Variants in DHX29 observed in about 807,000 individuals in gnomAD.
DHX29 encodes DExH-box helicase 29.
DHX29 carries 79 observed loss-of-function variants against 167.9 expected under a neutral mutation model. The ratio of observed to expected loss-of-function variants is 0.47; its 90% CI spans 0.39 to 0.57. The LOEUF is 0.57. Among genes scored for constraint, DHX29 ranks in the 20% least tolerant of loss-of-function variants. The probability of loss-of-function intolerance (pLI) is 0.00; values close to 1 mark genes in which losing one functional copy is unlikely to be tolerated. For synonymous variants in DHX29, 530 were observed against 546.0 expected (o/e 0.97, Z 0.41); for missense variants, 1,347 against 1,593.4 (o/e 0.85, Z 2.63).
chr5:55,292,215 C>A (rs1404624204), intron 6 of DHX29, among the ~76,000 whole-genome samples: 1 of 152,150 alleles, frequency 6.6e-6, no homozygotes, highest in Non-Finnish European at 1.5e-5. Context: ...CAGCTGACAT[C>A]CTAACGGGTG....
chr5:55,307,229 T>A (rs2305677), intron 1 of DHX29, among the ~76,000 whole-genome samples, 158 bp downstream of exon 1: 19,543 of 152,206 alleles, frequency 0.13, 1,470 homozygotes, highest in East Asian at 0.26. Flanking sequence ...TAGACTTTTT[T>A]AATCTAAAAC....
intron 1 of DHX29, among the ~76,000 whole-genome samples, chr5:55,303,895 A>T (rs1393006036): frequency 6.6e-6 from 1 of 152,216 alleles, no homozygotes; most frequent in African/African-American, 2.4e-5. Context: ...CTAAAAAAAA[A>T]TTTATAATGG....
At chr5:55,272,002 T>G in intron 18 of DHX29, 85 bp downstream of exon 18, 1 of 769,202 alleles carries the variant, frequency 1.3e-6, no homozygotes, top group South Asian at 1.9e-5. Flanking sequence ...TTTCCCTAAA[T>G]AATTTTAGGA....
At chr5:55,284,719 G>C (rs993563338) in intron 10 of DHX29, among the ~76,000 whole-genome samples, 27 of 152,170 alleles carry the variant, frequency 1.8e-4, no homozygotes, top group African/African-American at 6.0e-4. Flanking sequence ...CCTGAAACTG[G>C]AAGTGTATTG....
intron 14 of DHX29, among the ~76,000 whole-genome samples, chr5:55,275,932 T>C (rs1579774933): frequency 6.6e-6 from 1 of 151,940 alleles, no homozygotes. Flanking sequence ...TTGAGAGAAG[T>C]AGAGAAAAAT....
chr5:55,267,725 G>C lies in DHX29; in HGVS notation c.3392C>G (p.Ala1131Gly), dbSNP rs368247028. The change falls in exon 22 of 27, where the codon GCG (alanine) becomes GGG (glycine). Residue 1131 changes from alanine to glycine, a missense_variant. Physicochemically the swap from Ala to Gly is moderately conservative, Grantham distance 60 (BLOSUM62 0). Transcript: ENST00000251636. ...GTAGATCGTCAGGTGGTCTGAATCCGCCATGGCCAAAGCTGATTTTGCAAG... is the reference window on the plus strand; with the variant it reads ...GTAGATCGTCAGGTGGTCTGAATCCCCCATGGCCAAAGCTGATTTTGCAAG... ...ADLAKSALAMADSDHLTIYNA... is the reference protein window; with the variant it reads ...ADLAKSALAMGDSDHLTIYNA... 3 of 1,605,182 alleles carry C rather than the reference G, an allele frequency of 1.9e-6. No homozygotes were observed. The East Asian group carries it at 6.7e-5, about 36-fold the overall frequency.
rs1439653540 is a variant in DHX29 at position 55,281,510 on chromosome 5, G to A, written c.1971C>T (p.Ser657=). The A allele has an allele frequency of 6.3e-7, 1 of 1,580,452 alleles. No homozygotes were observed. Residue 657 remains serine (S), a synonymous_variant, in exon 12 of 27, where the codon TCC becomes TCT. Transcript: ENST00000251636. ...CCATCCGGATCTGATATCCACACAA[G>A]GAATTCTAAAGGGAGAACATAAGGC... ...GCENGPGGRN[S]LCGYQIRMES... is the part of the protein sequence containing the mutation.
chr5:55,292,284 G>A (rs543869432), intron 6 of DHX29, among the ~76,000 whole-genome samples: 2 of 152,152 alleles, frequency 1.3e-5, no homozygotes, highest in South Asian at 4.2e-4. Context: ...GTAATGTTGA[G>A]CATTTCTTCA....
At chr5:55,300,984 C>T (rs938648855) in intron 1 of DHX29, among the ~76,000 whole-genome samples, 2 of 152,104 alleles carry the variant, frequency 1.3e-5, no homozygotes, top group African/African-American at 2.4e-5. Context: ...CATCATCTTG[C>T]TATATGTTCA....
chr5:55,293,987 G>C, intron 6 of DHX29, 30 bp downstream of exon 6: 3 of 1,596,122 alleles, frequency 1.9e-6, no homozygotes, highest in South Asian at 1.1e-5. Flanking sequence ...AGAGCATCCA[G>C]TTAGAAGCCT....
Position 55,298,599 on chromosome 5 carries a change from T to C in DHX29, c.253A>G (p.Ile85Val), listed in dbSNP as rs766521040. ...SSGPANLDKS[I>V]LKVVINNKLE... is the part of the protein sequence containing the mutation. ...AAACCTTTGTTACTTACTTTCAAAATAGATTTATCCAGATTTGCAGGACCA... is the reference window on the plus strand; with the variant it reads ...AAACCTTTGTTACTTACTTTCAAAACAGATTTATCCAGATTTGCAGGACCA... Residue 85 changes from isoleucine (I) to valine (V), a missense_variant, in exon 2 of 27, where the codon ATT becomes GTT. Around this residue, in one of 3 missense-constraint regions of DHX29, gnomAD observed 405 missense variants for 416.8 expected, o/e 0.97. Transcript: ENST00000251636. The C allele has an allele frequency of 6.0e-5, 92 of 1,539,584 alleles. No individual in the cohort carries two copies. The highest frequency in any genetic ancestry group is 3.6e-4 in the African/African-American group (26 of 73,186).
intron 1 of DHX29, among the ~76,000 whole-genome samples, chr5:55,304,556 T>A (rs182433134): frequency 1.3e-5 from 2 of 152,062 alleles, no homozygotes; most frequent in East Asian, 3.9e-4. Flanking sequence ...TGCCTCGGCC[T>A]CCCAAAGTGC....
At chr5:55,260,369 T>C (rs1746255253) in intron 25 of DHX29, among the ~76,000 whole-genome samples, 1 of 152,008 alleles carries the variant, frequency 6.6e-6, no homozygotes, top group African/African-American at 2.4e-5. Context: ...GTAGCTGGGA[T>C]TACAGGTGCC....
intron 1 of DHX29, among the ~76,000 whole-genome samples, chr5:55,302,611 AAC>A (rs1325772160): frequency 2.6e-5 from 4 of 151,752 alleles, no homozygotes; most frequent in Non-Finnish European, 2.9e-5. Context: ...AAAAAAAAAA[AAC>A]TGGTTGGTTT....
intron 2 of DHX29, 61 bp downstream of exon 2, chr5:55,298,530 T>C: frequency 9.6e-7 from 1 of 1,038,336 alleles, no homozygotes; most frequent in Non-Finnish European, 1.5e-6. Flanking sequence ...AGGATACATC[T>C]TTTTTGGGGG....
chr5:55,304,297 G>C lies in DHX29; in HGVS notation c.187+3090C>G, dbSNP rs1000442990. Among the ~76,000 whole-genome samples the C allele has an allele frequency of 2.1e-5, 3 of 146,206 alleles. No individual in the cohort carries two copies. In the South Asian group the frequency reaches 6.5e-4, roughly 32 times the overall value. On this transcript the variant is annotated intron_variant, in intron 1 of 26. Transcript: ENST00000251636. ...ACTACTTTACCTGCCTCCTTTGCTT[G>C]CTCAAATGTCACTTTTTTTTTTTTT...
At chr5:55,259,626 T>G (rs1726562217) in intron 26 of DHX29, among the ~76,000 whole-genome samples, 1 of 152,088 alleles carries the variant, frequency 6.6e-6, no homozygotes, top group African/African-American at 2.4e-5. Flanking sequence ...CCAGCTAATT[T>G]TGTATTTTTA....
At chr5:55,283,056 A>C in intron 11 of DHX29, 147 bp downstream of exon 11, 1 of 775,724 alleles carries the variant, frequency 1.3e-6, no homozygotes. Flanking sequence ...CATCTATCAA[A>C]GAAAATGTGA....
At position 55,285,170 on chromosome 5, in the gene DHX29, G is replaced by A. The variant is rs1747652224; in HGVS notation, c.1356+123C>T. The A allele has an allele frequency of 6.3e-6, 9 of 1,419,324 alleles. No homozygotes were observed. In the South Asian group the frequency reaches 9.0e-5, roughly 14 times the overall value. 87.9% of individuals were successfully genotyped at this position (1,419,324 alleles called of 1,614,324 possible). A position where few individuals can be genotyped will look rare whatever the true frequency, so the allele number is the denominator to read the frequency against. Reference sequence around the variant, plus strand: ...GATCAAACTATGTTTAGGGTTGAAAGGAAGCCAAATTAGGAATAATGAGAA... The same window carrying A: ...GATCAAACTATGTTTAGGGTTGAAAAGAAGCCAAATTAGGAATAATGAGAA... On this transcript the variant is annotated intron_variant, in intron 10 of 26. Coordinates refer to ENST00000251636, the MANE Select transcript of DHX29 (RefSeq NM_019030.4).
Sources: allele counts gnomAD v4.1 joint callset (sites outside exome capture counted in the v4.1 genomes callset), GRCh38; gene constraint gnomAD v4.1.1; regional missense constraint gnomAD v4.1.1; transcripts MANE v1.5; gene names NCBI Gene and HGNC (gene_info 2026-07-23, HGNC 2026-07-21).